The following NPAS2 variants were observed in gnomAD, a reference collection of about 807,000 sequenced individuals.
The protein encoded by NPAS2 is neuronal PAS domain protein 2.
In NPAS2, 23 loss-of-function variants were observed where a neutral mutation model predicts 107.5. The ratio of observed to expected loss-of-function variants is 0.21; its 90% CI spans 0.15 to 0.30. NPAS2 has a LOEUF of 0.30. Ranked by LOEUF, NPAS2 falls within the 10% of genes least tolerant of loss-of-function variation. The pLI is 1.00. For missense variants in NPAS2, 756 were observed against 1,043.3 expected, an observed-to-expected ratio of 0.72 and a Z score of 3.79; for synonymous variants, 403 against 417.5, an observed-to-expected ratio of 0.97 and a Z score of 0.42.
At chr2:100,882,482 C>G (rs975915400) in intron 1 of NPAS2, among the ~76,000 whole-genome samples, 3 of 152,222 alleles carry the variant, frequency 2.0e-5, no homozygotes, top group African/African-American at 4.8e-5. Context: ...GTAGGTGGTG[C>G]ATGCCTGTAG....
intron 1 of NPAS2, among the ~76,000 whole-genome samples, chr2:100,873,307 T>TATACACACACAC (rs1280164445): frequency 2.1e-4 from 9 of 41,896 alleles, no homozygotes; most frequent in South Asian, 1.3e-3. Context: ...TATATATATA[T>TATACACACACAC]ACACACACAC....
At chr2:100,854,783 A>G (rs1678452353) in intron 1 of NPAS2, among the ~76,000 whole-genome samples, 1 of 152,068 alleles carries the variant, frequency 6.6e-6, no homozygotes, top group Admixed American at 6.5e-5. Flanking sequence ...AAGGGAGTAC[A>G]CTCCAAACCT....
At chr2:100,923,698 C>T (rs1683386141) in intron 2 of NPAS2, among the ~76,000 whole-genome samples, 1 of 152,138 alleles carries the variant, frequency 6.6e-6, no homozygotes, top group African/African-American at 2.4e-5. Flanking sequence ...CTCTGGGGCC[C>T]CTGTTCTCTC....
chr2:100,889,560 C>A (rs1573552732), intron 1 of NPAS2, among the ~76,000 whole-genome samples: 1 of 152,300 alleles, frequency 6.6e-6, no homozygotes, highest in South Asian at 2.1e-4. Context: ...GATCCATGCA[C>A]ACATTTTTAC....
rs537659573 is a variant in NPAS2 at position 100,898,274 on chromosome 2, G to A, written c.-22-6459G>A. 6.6e-5 allele frequency among the ~76,000 whole-genome samples: 10 copies of A among 152,108 alleles called. No homozygotes were observed. The South Asian group carries it at 1.0e-3, about 16-fold the overall frequency. On this transcript the variant is annotated intron_variant, in intron 1 of 20. Coordinates refer to ENST00000335681, the MANE Select transcript of NPAS2 (RefSeq NM_002518.4). ...CGGAATCTTGCTGTGTTGCCCAGAC[G>A]ACTCGTGGCCTCAGGCAATCCTCAT...
At chr2:100,857,956 C>T (rs1293299523) in intron 1 of NPAS2, among the ~76,000 whole-genome samples, 2 of 152,192 alleles carry the variant, frequency 1.3e-5, no homozygotes, top group African/African-American at 4.8e-5. Flanking sequence ...CAGCTGTAGG[C>T]AAGTTGGAAA....
At chr2:100,992,637 A>G (rs569246526) in intron 19 of NPAS2, among the ~76,000 whole-genome samples, 1 of 152,252 alleles carries the variant, frequency 6.6e-6, no homozygotes, top group East Asian at 1.9e-4. Flanking sequence ...GTGAAGGGAC[A>G]TCTCATTTTG....
intron 1 of NPAS2, among the ~76,000 whole-genome samples, chr2:100,829,752 C>G (rs1308199647): frequency 6.6e-6 from 1 of 152,090 alleles, no homozygotes; most frequent in Non-Finnish European, 1.5e-5. Flanking sequence ...CAGGGGAATG[C>G]TCTTAAAACA....
chr2:100,988,910 T>TTCCTCCAGGTCCCCCTGC, intron 17 of NPAS2: 1 of 154,406 alleles, frequency 6.5e-6, no homozygotes, highest in Non-Finnish European at 1.2e-5. Context: ...GCCCCCACTG[T>TTCCTCCAGGTCCCCCTGC]TCCTCCAGGT....
At chr2:100,900,460 A>G (rs1479388369) in intron 1 of NPAS2, among the ~76,000 whole-genome samples, 2 of 152,238 alleles carry the variant, frequency 1.3e-5, no homozygotes, top group East Asian at 3.8e-4. Context: ...CTTGTACACT[A>G]CTGGTGCAAA....
At chr2:100,887,545 A>G (rs753049100) in intron 1 of NPAS2, among the ~76,000 whole-genome samples, 2 of 152,256 alleles carry the variant, frequency 1.3e-5, no homozygotes, top group Non-Finnish European at 2.9e-5. Context: ...AATTATCACT[A>G]TAATGCACCC....
At chr2:100,832,453 C>T (rs1350276901) in intron 1 of NPAS2, among the ~76,000 whole-genome samples, 2 of 152,210 alleles carry the variant, frequency 1.3e-5, no homozygotes, top group Admixed American at 1.3e-4. Context: ...TTCAGGGAGT[C>T]ATGTTCCCGG....
At chr2:100,852,054 G>C (rs1678209433) in intron 1 of NPAS2, among the ~76,000 whole-genome samples, 1 of 152,150 alleles carries the variant, frequency 6.6e-6, no homozygotes, top group Middle Eastern at 3.2e-3. Context: ...TTTTGAACAG[G>C]AAAAAGTGAG....
intron 15 of NPAS2, among the ~76,000 whole-genome samples, chr2:100,978,741 G>A (rs1677203077): frequency 6.6e-6 from 1 of 152,226 alleles, no homozygotes; most frequent in Admixed American, 6.5e-5. Flanking sequence ...GGCAGGGCAT[G>A]CGTTTTTATA....
At chr2:100,925,108 T>G (rs1307919520) in intron 2 of NPAS2, 38 bp from the exon 3 acceptor site, 1 of 1,579,450 alleles carries the variant, frequency 6.3e-7, no homozygotes, top group Non-Finnish European at 8.6e-7. Flanking sequence ...CTTTGTGACG[T>G]GGAATGTTCC....
chr2:100,945,542 C>T (rs1431197892), intron 5 of NPAS2, among the ~76,000 whole-genome samples: 1 of 152,196 alleles, frequency 6.6e-6, no homozygotes, highest in East Asian at 1.9e-4. Flanking sequence ...GTTCTGCCAC[C>T]CCCTTCCTTC....
chr2:100,971,297 T>C (rs1241088314), intron 12 of NPAS2, among the ~76,000 whole-genome samples: 3 of 26,532 alleles, frequency 1.1e-4, no homozygotes, highest in South Asian at 1.6e-3. Context: ...AGACTCTATC[T>C]CAAAAAAAAA....
intron 1 of NPAS2, among the ~76,000 whole-genome samples, chr2:100,832,462 G>A (rs933317977): frequency 2.6e-5 from 4 of 152,154 alleles, no homozygotes; most frequent in South Asian, 2.1e-4. Flanking sequence ...TCATGTTCCC[G>A]GTGCTCTGTG....
chr2:100,971,298 C>CA (rs35040339), intron 12 of NPAS2, among the ~76,000 whole-genome samples: 23,568 of 102,332 alleles, frequency 0.23, 3,154 homozygotes, highest in Middle Eastern at 0.37. Context: ...GACTCTATCT[C>CA]AAAAAAAAAA....
Sources: gnomAD v4.1 joint callset for allele counts (sites outside exome capture counted in the v4.1 genomes callset) on GRCh38, gnomAD v4.1.1 for gene constraint, MANE v1.5 for transcripts, NCBI Gene and HGNC (gene_info 2026-07-23, HGNC 2026-07-21) for gene names.